PTPRZ1: variants seen among roughly 807,000 people sequenced by gnomAD.
The protein encoded by PTPRZ1 is protein tyrosine phosphatase receptor type Z1, also known as receptor-type tyrosine-protein phosphatase zeta.
A neutral mutation model predicts 214.1 loss-of-function variants in PTPRZ1; 82 were observed. The ratio of observed to expected loss-of-function variants is 0.38; its 90% CI spans 0.32 to 0.46. The LOEUF (loss-of-function observed/expected upper bound fraction) is 0.46. Ranked by LOEUF, PTPRZ1 falls within the 20% of genes least tolerant of loss-of-function variation. The probability of loss-of-function intolerance (pLI) is 1.00; values close to 1 mark genes in which losing one functional copy is unlikely to be tolerated. For synonymous variants in PTPRZ1, 945 were observed against 987.9 expected (o/e 0.96, Z 0.81); for missense variants, 2,603 against 2,748.7 (o/e 0.95, Z 1.19).
intron 21 of PTPRZ1, 64 bp downstream of exon 21, chr7:122,041,043 TG>T (rs373120151): frequency 1.3e-5 from 17 of 1,344,412 alleles, no homozygotes; most frequent in African/African-American, 1.2e-4. Context: ...AGGAAATCAA[TG>T]GAACAAAGCT....
intron 2 of PTPRZ1, among the ~76,000 whole-genome samples, chr7:121,951,624 G>A (rs1245530090): frequency 6.6e-6 from 1 of 152,140 alleles, no homozygotes; most frequent in East Asian, 1.9e-4. Context: ...TGTCAGCTGG[G>A]GTTCTCAACC....
At chr7:121,896,508 AC>A (rs1794787460) in intron 1 of PTPRZ1, among the ~76,000 whole-genome samples, 1 of 152,040 alleles carries the variant, frequency 6.6e-6, no homozygotes, top group Non-Finnish European at 1.5e-5. Context: ...AATATTAATC[AC>A]CCTTGAAAAA....
At chr7:121,910,706 G>T (rs1249146476) in intron 1 of PTPRZ1, among the ~76,000 whole-genome samples, 1 of 152,136 alleles carries the variant, frequency 6.6e-6, no homozygotes, top group Non-Finnish European at 1.5e-5. Flanking sequence ...GGAGGCAAAT[G>T]CATTATTTCA....
chr7:122,059,850 A>G lies in PTPRZ1; in HGVS notation c.6769A>G (p.Met2257Val), dbSNP rs1374789112. 3 of 1,613,774 alleles carry G rather than the reference A, an allele frequency of 1.9e-6. No individual in the cohort carries two copies. In the South Asian group the frequency reaches 3.3e-5, roughly 18 times the overall value. The change falls in exon 29 of 30, where the codon ATG becomes GTG. Residue 2257 changes from methionine to valine, a missense_variant. This residue lies in a region of PTPRZ1 where 165 missense variants were observed against 151.4 expected (regional missense o/e 1.09). Coordinates refer to ENST00000393386, the MANE Select transcript of PTPRZ1 (RefSeq NM_002851.3). ...NSVDVYQVAK[M>V]INLMRPGVFA... ...CGTGGATGTTTACCAGGTAGCCAAG[A>G]TGATCAATCTGATGAGGCCAGGAGT...
chr7:122,042,299 C>G (rs984004096), intron 21 of PTPRZ1, among the ~76,000 whole-genome samples: 1 of 152,126 alleles, frequency 6.6e-6, no homozygotes, highest in African/African-American at 2.4e-5. Context: ...ATAATATTTT[C>G]ATTGTACAAT....
intron 1 of PTPRZ1, among the ~76,000 whole-genome samples, chr7:121,887,197 C>T (rs1794423582): frequency 6.6e-6 from 1 of 152,126 alleles, no homozygotes; most frequent in African/African-American, 2.4e-5. Context: ...GGGATATAGC[C>T]ACTGGGCTCT....
At chr7:121,919,296 G>T (rs1795521955) in intron 1 of PTPRZ1, among the ~76,000 whole-genome samples, 1 of 151,970 alleles carries the variant, frequency 6.6e-6, no homozygotes, top group Admixed American at 6.6e-5. Flanking sequence ...AAGTCTCACA[G>T]TTCTTTATAA....
At position 122,010,593 on chromosome 7, in the gene PTPRZ1, T is replaced by G; in HGVS notation, c.1547T>G (p.Ile516Ser). The stretch of plus-strand genomic sequence containing the variant: ...ACTAAATTAGCCACAGAAAAAGATA[T>G]TTCCTTGACTTCTCAGACTGTGACT... ...PVTKLATEKD[I>S]SLTSQTVTEL... Residue 516 changes from isoleucine (I) to serine (S), a missense_variant, in exon 12 of 30, where the codon ATT becomes AGT. Around this residue, in one of 6 missense-constraint regions of PTPRZ1, gnomAD observed 1,913 missense variants for 1,914.3 expected, o/e 1.00. Coordinates refer to ENST00000393386, the MANE Select transcript of PTPRZ1 (RefSeq NM_002851.3). 1 of 1,613,698 alleles carries G rather than the reference T, an allele frequency of 6.2e-7. No individual in the cohort carries two copies. Among genetic ancestry groups the G allele is most frequent in the Non-Finnish European group, 8.5e-7 (1 of 1,179,596 alleles).
chr7:122,015,732 AATT>A (rs1484749644), intron 12 of PTPRZ1, among the ~76,000 whole-genome samples: 1 of 152,052 alleles, frequency 6.6e-6, no homozygotes, highest in African/African-American at 2.4e-5. Flanking sequence ...CTAAACCTAA[AATT>A]ATTGACTAAA....
chr7:121,891,799 A>G (rs1794632655), intron 1 of PTPRZ1, among the ~76,000 whole-genome samples: 1 of 151,772 alleles, frequency 6.6e-6, no homozygotes, highest in Admixed American at 6.6e-5. Context: ...CACATTTTTA[A>G]TTATTCTAGA....
At chr7:121,892,598 TATTAA>T (rs1794667133) in intron 1 of PTPRZ1, among the ~76,000 whole-genome samples, 2 of 149,282 alleles carry the variant, frequency 1.3e-5, no homozygotes, top group African/African-American at 4.9e-5. Flanking sequence ...TATTCACAAG[TATTAA>T]ATTTGGCTTT....
At chr7:121,953,064 A>C (rs1796607094) in intron 2 of PTPRZ1, among the ~76,000 whole-genome samples, 1 of 152,224 alleles carries the variant, frequency 6.6e-6, no homozygotes, top group Non-Finnish European at 1.5e-5. Flanking sequence ...ACATTTGAAA[A>C]AATTATCTCT....
chr7:121,973,404 C>T (rs1405241219), intron 4 of PTPRZ1, among the ~76,000 whole-genome samples: 1 of 151,876 alleles, frequency 6.6e-6, no homozygotes, highest in Non-Finnish European at 1.5e-5. Context: ...ATTATTTTTG[C>T]AATTTTTTAA....
intron 17 of PTPRZ1, 33 bp downstream of exon 17, chr7:122,034,411 A>G: frequency 1.3e-6 from 2 of 1,588,684 alleles, no homozygotes; most frequent in Non-Finnish European, 1.7e-6. Flanking sequence ...TCTGACTTCA[A>G]TATCATTGCC....
chr7:121,972,139 G>A (rs1279206029), intron 3 of PTPRZ1, among the ~76,000 whole-genome samples: 1 of 151,296 alleles, frequency 6.6e-6, no homozygotes, highest in Non-Finnish European at 1.5e-5. Flanking sequence ...AGGAAGGTGA[G>A]AGAACTCTGA....
intron 13 of PTPRZ1, among the ~76,000 whole-genome samples, chr7:122,021,219 A>C (rs1016363498): frequency 2.6e-5 from 4 of 152,198 alleles, no homozygotes; most frequent in Non-Finnish European, 1.5e-5. Flanking sequence ...TTTGGAAATC[A>C]GTATCTTATT....
intron 6 of PTPRZ1, among the ~76,000 whole-genome samples, chr7:121,978,554 AACTC>A (rs111414132): frequency 2.6e-5 from 4 of 152,260 alleles, no homozygotes; most frequent in African/African-American, 4.8e-5. Context: ...ATCTCGTGAG[AACTC>A]ACTCACTATC....
At chr7:122,033,421 CAGAT>C (rs1214253593) in intron 15 of PTPRZ1, among the ~76,000 whole-genome samples, 15 of 151,294 alleles carry the variant, frequency 9.9e-5, no homozygotes, top group East Asian at 3.9e-4. Context: ...AAATTCTAAA[CAGAT>C]AGAAAATATT....
intron 1 of PTPRZ1, among the ~76,000 whole-genome samples, chr7:121,926,286 C>T (rs1344265468): frequency 3.1e-5 from 4 of 127,740 alleles, no homozygotes; most frequent in Non-Finnish European, 6.3e-5. Flanking sequence ...GCCTGGGCTA[C>T]AGAGCAAGAT....
Sources: gnomAD v4.1 joint callset for allele counts (sites outside exome capture counted in the v4.1 genomes callset) on GRCh38, gnomAD v4.1.1 for gene constraint, gnomAD v4.1.1 regional missense constraint, MANE v1.5 for transcripts, NCBI Gene and HGNC (gene_info 2026-07-23, HGNC 2026-07-21) for gene names.